Variants in IQCM observed in about 807,000 individuals in gnomAD.
The protein encoded by IQCM is IQ domain-containing protein M.
Under a neutral mutation model 57.6 loss-of-function variants are expected in IQCM, and 45 were observed. The observed-to-expected ratio is 0.78, with a 90% CI of 0.62 to 1.00. The LOEUF (loss-of-function observed/expected upper bound fraction) is 1.00, where lower values mean the gene tolerates loss of function less well. IQCM is among the 50% of genes least tolerant of loss of function. IQCM has a pLI of 0.00. For missense variants in IQCM, 468 were observed against 511.6 expected, an observed-to-expected ratio of 0.91 and a Z score of 0.82; for synonymous variants, 148 against 158.9, an observed-to-expected ratio of 0.93 and a Z score of 0.51.
intron 2 of IQCM, chr4:149,780,420 AG>A (rs1320067812): frequency 1.3e-5 from 2 of 152,096 alleles, no homozygotes; most frequent in African/African-American, 4.8e-5. Flanking sequence ...ACTGGCCAAA[AG>A]TGACTACCAA....
intron 13 of IQCM, among the ~76,000 whole-genome samples, chr4:149,382,305 CA>C (rs1234853918): frequency 4.6e-5 from 7 of 152,182 alleles, no homozygotes; most frequent in African/African-American, 1.7e-4. Flanking sequence ...CTGAATTATA[CA>C]AACTATTTGT....
intron 12 of IQCM, among the ~76,000 whole-genome samples, chr4:149,441,523 CCTT>C (rs1735938806): frequency 6.6e-6 from 1 of 152,134 alleles, no homozygotes; most frequent in Non-Finnish European, 1.5e-5. Flanking sequence ...TCTAAGTCAT[CCTT>C]CTTTTTTCAT....
At chr4:149,784,739 A>C (rs1414253256) in intron 2 of IQCM, among the ~76,000 whole-genome samples, 1 of 152,036 alleles carries the variant, frequency 6.6e-6, no homozygotes, top group African/African-American at 2.4e-5. Context: ...CTTATCCCCA[A>C]CCAATATGCA....
At chr4:149,409,734 A>G (rs1733237728) in intron 13 of IQCM, among the ~76,000 whole-genome samples, 1 of 151,976 alleles carries the variant, frequency 6.6e-6, no homozygotes, top group South Asian at 2.1e-4. Flanking sequence ...ATTTATGAAG[A>G]CCCTCCACAC....
intron 12 of IQCM, among the ~76,000 whole-genome samples, chr4:149,448,856 C>A (rs892637844): frequency 5.3e-5 from 8 of 151,732 alleles, no homozygotes; most frequent in Admixed American, 6.6e-5. Context: ...AAGACACCTA[C>A]ATGCCCAGAT....
At position 149,657,681 on chromosome 4, in the gene IQCM, C is replaced by T. The variant is rs535917351; in HGVS notation, c.565+24437G>A. Among the ~76,000 whole-genome samples the T allele has an allele frequency of 2.6e-5, 4 of 152,040 alleles. No homozygotes were observed. In the East Asian group the frequency reaches 7.7e-4, roughly 29 times the overall value. On this transcript the variant is annotated intron_variant, in intron 7 of 13. Coordinates refer to ENST00000636793, the MANE Select transcript of IQCM (RefSeq NM_001363507.2). Reference sequence around the variant, plus strand: ...TTCGTTAATACTTGTTTTCTTCTGTCTTTTTGATAATTGCCATTCTAACTC... The same window carrying T: ...TTCGTTAATACTTGTTTTCTTCTGTTTTTTTGATAATTGCCATTCTAACTC...
chr4:149,542,728 A>T (rs1054832763), intron 12 of IQCM, among the ~76,000 whole-genome samples: 1 of 152,138 alleles, frequency 6.6e-6, no homozygotes, highest in African/African-American at 2.4e-5. Context: ...GAAGATAATT[A>T]TAGAAGTTTA....
chr4:149,381,197 ACTT>A (rs1473657205), intron 13 of IQCM, among the ~76,000 whole-genome samples: 1 of 151,954 alleles, frequency 6.6e-6, no homozygotes, highest in Non-Finnish European at 1.5e-5. Context: ...CAGTCTGCAC[ACTT>A]CTTATTATCT....
intron 12 of IQCM, among the ~76,000 whole-genome samples, chr4:149,501,626 G>C (rs1743251104): frequency 6.6e-6 from 1 of 152,118 alleles, no homozygotes; most frequent in Admixed American, 6.6e-5. Flanking sequence ...ATACAAAAAA[G>C]TACAGATAAT....
intron 11 of IQCM, among the ~76,000 whole-genome samples, chr4:149,549,291 G>A (rs893053567): frequency 2.6e-5 from 4 of 152,046 alleles, no homozygotes; most frequent in African/African-American, 4.8e-5. Context: ...CGAGGCGGGC[G>A]GATCACGAGG....
At chr4:149,572,541 T>C (rs541854159) in intron 9 of IQCM, among the ~76,000 whole-genome samples, 5 of 151,976 alleles carry the variant, frequency 3.3e-5, no homozygotes, top group African/African-American at 4.8e-5. Flanking sequence ...TTAAAAGATA[T>C]ATATGTATAT....
chr4:149,464,510 G>T (rs1387321860), intron 12 of IQCM, among the ~76,000 whole-genome samples: 1 of 152,098 alleles, frequency 6.6e-6, no homozygotes, highest in Non-Finnish European at 1.5e-5. Context: ...GTCTGATTTT[G>T]CCATCTTGCC....
chr4:149,593,098 G>T (rs1011015961), intron 8 of IQCM, among the ~76,000 whole-genome samples: 1 of 152,120 alleles, frequency 6.6e-6, no homozygotes, highest in Non-Finnish European at 1.5e-5. Context: ...AGCATGGCAT[G>T]TTCTTGAATT....
chr4:149,633,583 G>A (rs1757476681), intron 7 of IQCM, among the ~76,000 whole-genome samples: 1 of 152,140 alleles, frequency 6.6e-6, no homozygotes, highest in Non-Finnish European at 1.5e-5. Flanking sequence ...TCAACATAAT[G>A]TGGTTCTTTT....
intron 9 of IQCM, among the ~76,000 whole-genome samples, chr4:149,577,832 T>C (rs1406816442): frequency 2.0e-5 from 3 of 151,914 alleles, no homozygotes; most frequent in Non-Finnish European, 4.4e-5. Flanking sequence ...ATGGCCATTT[T>C]AACACTACTG....
chr4:149,708,965 T>A (rs1764360394), intron 5 of IQCM, among the ~76,000 whole-genome samples: 1 of 152,086 alleles, frequency 6.6e-6, no homozygotes. Flanking sequence ...GCTGACCAGT[T>A]TTTGTGACTC....
At chr4:149,589,206 T>G (rs1005699258) in intron 8 of IQCM, among the ~76,000 whole-genome samples, 1 of 151,984 alleles carries the variant, frequency 6.6e-6, no homozygotes, top group Non-Finnish European at 1.5e-5. Context: ...GAAGTAAACT[T>G]GATAAATGAG....
At chr4:149,587,232 T>C (rs1752724838) in intron 9 of IQCM, among the ~76,000 whole-genome samples, 2 of 151,786 alleles carry the variant, frequency 1.3e-5, no homozygotes, top group Non-Finnish European at 2.9e-5. Flanking sequence ...TTCCTTTCTT[T>C]CAAGAGTCAA....
chr4:149,500,931 T>C (rs1293923537), intron 12 of IQCM, among the ~76,000 whole-genome samples: 1 of 152,224 alleles, frequency 6.6e-6, no homozygotes, highest in African/African-American at 2.4e-5. Context: ...CTGATGGTTA[T>C]GCTATTCTAT....
Sources: allele counts gnomAD v4.1 joint callset (sites outside exome capture counted in the v4.1 genomes callset), GRCh38; gene constraint gnomAD v4.1.1; transcripts MANE v1.5; gene names NCBI Gene and HGNC (gene_info 2026-07-23, HGNC 2026-07-21).